Variants in AFAP1L1 observed in about 807,000 individuals in gnomAD.
AFAP1L1 encodes the protein actin filament-associated protein 1-like 1.
AFAP1L1 carries 77 observed loss-of-function variants against 99.8 expected under a neutral mutation model. The observed-to-expected ratio is 0.77, with a 90% CI of 0.64 to 0.93. The LOEUF is 0.93. Among genes scored for constraint, AFAP1L1 ranks in the 40% least tolerant of loss-of-function variants. AFAP1L1 has a pLI of 0.00. For missense variants in AFAP1L1, 893 were observed against 996.8 expected (o/e 0.90, Z 1.40); for synonymous variants, 373 against 395.3 (o/e 0.94, Z 0.67).
chr5:149,307,560 C>G lies in AFAP1L1; in HGVS notation c.694C>G (p.Arg232Gly), dbSNP rs747689307. 6.2e-7 allele frequency: 1 copy of G among 1,613,438 alleles called. No homozygotes were observed. Among genetic ancestry groups the G allele is most frequent in the Non-Finnish European group, 8.5e-7 (1 of 1,179,952 alleles). ...RICAFLLRKK[R>G]FGQWAKQLTV... is the part of the protein sequence containing the mutation. The stretch of plus-strand genomic sequence containing the variant: ...ATGTGCCTTCCTGCTGCGGAAAAAG[C>G]GTTTCGGGCAGTGGGCCAAGCAGCT... The change falls in exon 7 of 19, where the codon CGT becomes GGT. Residue 232 changes from arginine (R) to glycine (G), a missense_variant. Transcript: ENST00000296721.
chr5:149,292,095 A>AT (rs1755878163), intron 1 of AFAP1L1, among the ~76,000 whole-genome samples: 1 of 152,204 alleles, frequency 6.6e-6, no homozygotes, highest in Admixed American at 6.5e-5. Flanking sequence ...GTTTCCAAGC[A>AT]TTTTTGTACG....
At chr5:149,292,167 T>A (rs1755879995) in intron 1 of AFAP1L1, among the ~76,000 whole-genome samples, 1 of 152,276 alleles carries the variant, frequency 6.6e-6, no homozygotes, top group Non-Finnish European at 1.5e-5. Flanking sequence ...GCACTGGGCC[T>A]AGTTTGATAG....
rs754163109 is a variant in AFAP1L1, at chr5:149,303,197, A to G, written c.436+671A>G. Among the ~76,000 whole-genome samples, 17 of 152,330 alleles carry G rather than the reference A, an allele frequency of 1.1e-4. No homozygotes were observed. The East Asian group carries it at 1.5e-3, about 14-fold the overall frequency. On this transcript the variant is annotated intron_variant, in intron 5 of 18. Transcript: ENST00000296721. ...TAAAAAAAAGTTTATATATACATATATAACATAGAAAAATAAACATAAATA... is the reference window on the plus strand; with the variant it reads ...TAAAAAAAAGTTTATATATACATATGTAACATAGAAAAATAAACATAAATA...
At chr5:149,295,867 A>G (rs1048119622) in intron 1 of AFAP1L1, among the ~76,000 whole-genome samples, 10 of 152,206 alleles carry the variant, frequency 6.6e-5, no homozygotes, top group Admixed American at 6.5e-4. Context: ...CATTCTCTAC[A>G]AGCTTACAGT....
intron 14 of AFAP1L1, among the ~76,000 whole-genome samples, chr5:149,322,248 GT>G (rs1238851342): frequency 6.6e-6 from 1 of 152,084 alleles, no homozygotes; most frequent in Non-Finnish European, 1.5e-5. Context: ...AGGGAAGACT[GT>G]TTTCTTTTTG....
At chr5:149,298,298 T>A (rs1269838997) in intron 1 of AFAP1L1, among the ~76,000 whole-genome samples, 1 of 152,188 alleles carries the variant, frequency 6.6e-6, no homozygotes, top group Non-Finnish European at 1.5e-5. Flanking sequence ...CTCTGAGCCT[T>A]AGTGTCTTCA....
At chr5:149,295,773 G>C (rs923007543) in intron 1 of AFAP1L1, among the ~76,000 whole-genome samples, 1 of 152,168 alleles carries the variant, frequency 6.6e-6, no homozygotes, top group Non-Finnish European at 1.5e-5. Context: ...TTGCCTGGGG[G>C]CAGTCCCCAA....
At chr5:149,337,510 T>G (rs1210065534) in intron 18 of AFAP1L1, among the ~76,000 whole-genome samples, 1 of 152,212 alleles carries the variant, frequency 6.6e-6, no homozygotes, top group Non-Finnish European at 1.5e-5. Flanking sequence ...GCTAAATGCT[T>G]GACACTTCAC....
At chr5:149,287,975 A>G (rs1294546353) in intron 1 of AFAP1L1, among the ~76,000 whole-genome samples, 3 of 152,132 alleles carry the variant, frequency 2.0e-5, no homozygotes, top group Non-Finnish European at 1.5e-5. Context: ...ATTATTAGAT[A>G]GCTTTATTAT....
chr5:149,302,461 A>G lies in AFAP1L1; in HGVS notation c.371A>G (p.Glu124Gly), dbSNP rs753120350. The G allele has an allele frequency of 4.4e-6, 7 of 1,597,020 alleles. No individual in the cohort carries two copies. Among genetic ancestry groups the G allele is most frequent in the Non-Finnish European group, 6.0e-6 (7 of 1,172,050 alleles). ...CCGCTCCCCAACAAGCCTCCCCCTG[A>G]GGACTACTATGAAGAGGCCCTTCCT... ...PPPLPNKPPP[E>G]DYYEEALPLG... Residue 124 changes from glutamate (E) to glycine (G), a missense_variant, in exon 5 of 19, where the codon GAG (glutamate) becomes GGG (glycine). Coordinates refer to ENST00000296721, the MANE Select transcript of AFAP1L1 (RefSeq NM_152406.4).
intron 1 of AFAP1L1, among the ~76,000 whole-genome samples, chr5:149,298,360 A>G (rs1433793035): frequency 1.3e-5 from 2 of 152,198 alleles, no homozygotes; most frequent in Non-Finnish European, 2.9e-5. Context: ...GCTGGGAGGA[A>G]CAAAGAAAAT....
rs1301964351 is a variant in AFAP1L1 at position 149,326,432 on chromosome 5, G to C, written c.1811-3234G>C. 2.6e-5 allele frequency among the ~76,000 whole-genome samples: 4 copies of C among 151,726 alleles called. No individual in the cohort carries two copies. In the South Asian group the frequency reaches 8.3e-4, roughly 32 times the overall value. ...CGGGCACCTGTAATCCCAGCTACTC[G>C]GGAGGCTGAGGCACAAGAATCGCTT... is the stretch of plus-strand genomic sequence containing the variant. On this transcript the variant is annotated intron_variant, in intron 15 of 18. Transcript: ENST00000296721.
At chr5:149,300,421 C>G (rs1005624433) in intron 3 of AFAP1L1, 67 bp downstream of exon 3, 1 of 1,427,798 alleles carries the variant, frequency 7.0e-7, no homozygotes, top group African/African-American at 1.4e-5. Flanking sequence ...CAGAAGGGTC[C>G]CCCGACTGGG....
chr5:149,306,401 T>C lies in AFAP1L1; in HGVS notation c.532T>C (p.Ser178Pro), dbSNP rs1469422610. ...ATRVNGELKSSYNDSDAMSSS... is the reference protein window; with the variant it reads ...ATRVNGELKSPYNDSDAMSSS... The stretch of plus-strand genomic sequence containing the variant: ...CAGGGTGAACGGCGAGCTTAAGAGC[T>C]CCTGTAAGTACCAGGTGGGCGTCCA... The change falls in exon 6 of 19, where the codon TCC becomes CCC. Residue 178 changes from serine to proline, a missense_variant. Ser to Pro is a moderately conservative substitution (Grantham distance 74). Coordinates refer to ENST00000296721, the MANE Select transcript of AFAP1L1 (RefSeq NM_152406.4). 1 of 1,609,488 alleles carries C rather than the reference T, an allele frequency of 6.2e-7. No individual in the cohort carries two copies. The highest frequency in any genetic ancestry group is 2.2e-5 in the East Asian group (1 of 44,776).
At chr5:149,336,226 A>G (rs1757403087) in intron 18 of AFAP1L1, among the ~76,000 whole-genome samples, 1 of 152,248 alleles carries the variant, frequency 6.6e-6, no homozygotes, top group South Asian at 2.1e-4. Context: ...GAAAACCTCA[A>G]TATGTCCTCA....
At chr5:149,312,256 A>G in intron 9 of AFAP1L1, 52 bp downstream of exon 9, 1 of 1,558,786 alleles carries the variant, frequency 6.4e-7, no homozygotes, top group Non-Finnish European at 8.9e-7. Flanking sequence ...GCCACTCAAC[A>G]CGGGCTCAAC....
chr5:149,320,894 C>G lies in AFAP1L1; in HGVS notation c.1698+431C>G, dbSNP rs1211603663. Among the ~76,000 whole-genome samples, 2 of 152,210 alleles carry G rather than the reference C, an allele frequency of 1.3e-5. No individual in the cohort carries two copies. Among genetic ancestry groups the G allele is most frequent in the Non-Finnish European group, 2.9e-5 (2 of 68,042 alleles). On this transcript the variant is annotated intron_variant, in intron 14 of 18. Transcript: ENST00000296721. The surrounding 1 kb of genome is among the most constrained non-coding windows in gnomAD (Gnocchi z 4.0). Reference sequence around the variant, plus strand: ...GGAGCTTCAGCTCCCAGGCCAGTCTCCATGTTTTGCTTGCTAAGCCAGGGA... The same window carrying G: ...GGAGCTTCAGCTCCCAGGCCAGTCTGCATGTTTTGCTTGCTAAGCCAGGGA...
At chr5:149,328,473 G>A (rs1200165484) in intron 15 of AFAP1L1, among the ~76,000 whole-genome samples, 2 of 152,130 alleles carry the variant, frequency 1.3e-5, no homozygotes, top group Non-Finnish European at 2.9e-5. Flanking sequence ...CCTAACCTCT[G>A]TGTGCCTCAG....
At chr5:149,272,103 C>G (rs1581275697) in intron 1 of AFAP1L1, 119 bp downstream of exon 1, 2 of 1,023,678 alleles carry the variant, frequency 2.0e-6, no homozygotes, top group South Asian at 5.0e-5. Flanking sequence ...GGCTGAGGAA[C>G]GCTCGGAGGG....
Sources: gnomAD v4.1 joint callset for allele counts (sites outside exome capture counted in the v4.1 genomes callset) on GRCh38, gnomAD v4.1.1 for gene constraint, Gnocchi (gnomAD v3.1) non-coding constraint, MANE v1.5 for transcripts, NCBI Gene and HGNC (gene_info 2026-07-23, HGNC 2026-07-21) for gene names.